TBCEL: variants seen among roughly 807,000 people sequenced by gnomAD.
TBCEL encodes the protein tubulin-specific chaperone cofactor E-like protein.
Under a neutral mutation model 44.2 loss-of-function variants are expected in TBCEL, and 15 were observed. That is an observed-to-expected ratio of 0.34 (90% confidence interval 0.23 to 0.52). The LOEUF is 0.52. Ranked by LOEUF, TBCEL falls within the 20% of genes least tolerant of loss-of-function variation. The pLI, the probability that TBCEL is intolerant of heterozygous loss-of-function variation, is 0.95. For missense variants in TBCEL, 319 were observed against 506.3 expected, an observed-to-expected ratio of 0.63 and a Z score of 3.55; for synonymous variants, 171 against 185.4, an observed-to-expected ratio of 0.92 and a Z score of 0.63.
In TBCEL at chr11:121,082,400, C is replaced by T. The variant is rs187854299; in HGVS notation, c.957-4378C>T. Reference sequence around the variant, plus strand: ...AGCAATGGTGTGTCAGGTTCTGGTGCTTTGAGTCTCTCTGACTTCCTCTTT... The same window carrying T: ...AGCAATGGTGTGTCAGGTTCTGGTGTTTTGAGTCTCTCTGACTTCCTCTTT... On this transcript the variant is annotated intron_variant, in intron 8 of 8. Transcript: ENST00000683345. 1.4e-4 allele frequency among the ~76,000 whole-genome samples: 22 copies of T among 152,294 alleles called. 1 individual carries two copies. The highest frequency in any genetic ancestry group is 3.3e-4 in the Admixed American group (5 of 15,298).
At chr11:121,026,136 A>G (rs890914391) in intron 1 of TBCEL, among the ~76,000 whole-genome samples, 1 of 152,240 alleles carries the variant, frequency 6.6e-6, no homozygotes, top group African/African-American at 2.4e-5. Flanking sequence ...TGAAAAATAC[A>G]CGATAAAATA....
intron 8 of TBCEL, among the ~76,000 whole-genome samples, chr11:121,061,447 C>T (rs572358108): frequency 6.6e-6 from 1 of 151,964 alleles, no homozygotes; most frequent in Non-Finnish European, 1.5e-5. Flanking sequence ...TCATCCATTG[C>T]TTAATGACAG....
At chr11:121,067,048 C>T (rs1165861861) in intron 8 of TBCEL, among the ~76,000 whole-genome samples, 1 of 152,152 alleles carries the variant, frequency 6.6e-6, no homozygotes, top group Non-Finnish European at 1.5e-5. Context: ...CTTTTATTTT[C>T]CTCTCGTGTC....
chr11:121,029,287 C>T (rs1945102195), intron 1 of TBCEL, among the ~76,000 whole-genome samples: 4 of 152,106 alleles, frequency 2.6e-5, no homozygotes, highest in African/African-American at 9.7e-5. Flanking sequence ...GGCATGTATT[C>T]CCACCTCTGC....
At chr11:121,071,429 A>T (rs1945930254) in intron 8 of TBCEL, among the ~76,000 whole-genome samples, 2 of 152,202 alleles carry the variant, frequency 1.3e-5, no homozygotes, top group East Asian at 3.9e-4. Flanking sequence ...AATTTTGCTT[A>T]TCATAAGGAG....
chr11:121,056,472 G>C (rs1945622854), intron 6 of TBCEL, among the ~76,000 whole-genome samples: 1 of 151,774 alleles, frequency 6.6e-6, no homozygotes, highest in African/African-American at 2.4e-5. Flanking sequence ...GTGTGGACAT[G>C]AGTTTTCAGT....
chr11:121,059,824 C>T (rs1400367935), intron 7 of TBCEL, 145 bp from the exon 8 acceptor site: 1 of 596,926 alleles, frequency 1.7e-6, no homozygotes, highest in African/African-American at 1.9e-5. Context: ...CACTTTAGTT[C>T]ATGTCAGTAG....
At chr11:121,084,440 T>G (rs928623042) in intron 8 of TBCEL, among the ~76,000 whole-genome samples, 1 of 152,220 alleles carries the variant, frequency 6.6e-6, no homozygotes, top group Non-Finnish European at 1.5e-5. Context: ...TCAGTTGTGT[T>G]TTCTTTCAAA....
At chr11:121,029,765 T>C (rs548988701) in intron 1 of TBCEL, among the ~76,000 whole-genome samples, 1 of 142,518 alleles carries the variant, frequency 7.0e-6, no homozygotes, top group Non-Finnish European at 1.5e-5. Context: ...CCGGTGATTT[T>C]CAAAATTTTT....
intron 4 of TBCEL, among the ~76,000 whole-genome samples, chr11:121,048,670 A>T (rs1373180879): frequency 1.3e-5 from 2 of 151,902 alleles, no homozygotes; most frequent in Non-Finnish European, 2.9e-5. Flanking sequence ...ACTGTCCTGC[A>T]TAAAGGCCTA....
chr11:121,038,244 G>T (rs1031823442), intron 2 of TBCEL, among the ~76,000 whole-genome samples: 1 of 152,152 alleles, frequency 6.6e-6, no homozygotes, highest in Non-Finnish European at 1.5e-5. Flanking sequence ...GATTACAGGC[G>T]TGAACCACTG....
intron 8 of TBCEL, among the ~76,000 whole-genome samples, chr11:121,063,519 A>G (rs113999598): frequency 0.01 from 1,556 of 152,214 alleles, 22 homozygotes; most frequent in African/African-American, 0.03. Context: ...CTTTAAATCT[A>G]TTGATCCAGT....
intron 1 of TBCEL, among the ~76,000 whole-genome samples, chr11:121,027,825 C>A (rs1184546110): frequency 6.6e-6 from 1 of 152,120 alleles, no homozygotes; most frequent in Non-Finnish European, 1.5e-5. Context: ...GCTCAAATAT[C>A]CATGAAAAAC....
At chr11:121,054,829 C>T (rs935651654) in intron 5 of TBCEL, 8 of 377,078 alleles carry the variant, frequency 2.1e-5, no homozygotes, top group East Asian at 4.0e-5. Flanking sequence ...AAAGTAATTT[C>T]GCACTACCTT....
chr11:121,055,743 A>T (rs1945608334), intron 6 of TBCEL, among the ~76,000 whole-genome samples: 1 of 151,828 alleles, frequency 6.6e-6, no homozygotes, highest in Non-Finnish European at 1.5e-5. Context: ...GATCCTGTGT[A>T]TCACAGGAAT....
chr11:121,034,106 GGGTAGA>G (rs1380083039), intron 1 of TBCEL, among the ~76,000 whole-genome samples: 1 of 151,928 alleles, frequency 6.6e-6, no homozygotes, highest in African/African-American at 2.4e-5. Flanking sequence ...TTTGATTCTT[GGGTAGA>G]TACCCAGAAG....
chr11:121,070,935 G>A (rs1433466932), intron 8 of TBCEL, among the ~76,000 whole-genome samples: 1 of 151,920 alleles, frequency 6.6e-6, no homozygotes, highest in African/African-American at 2.4e-5. Flanking sequence ...TGTCTTTTTA[G>A]AGAGATTATG....
intron 8 of TBCEL, among the ~76,000 whole-genome samples, chr11:121,064,393 G>T (rs539126782): frequency 6.6e-6 from 1 of 152,272 alleles, no homozygotes; most frequent in South Asian, 2.1e-4. Context: ...TTAGGGAAGT[G>T]GTGTTGCTTT....
intron 8 of TBCEL, among the ~76,000 whole-genome samples, chr11:121,062,653 A>G (rs1423912880): frequency 6.6e-6 from 1 of 152,182 alleles, no homozygotes; most frequent in Non-Finnish European, 1.5e-5. Flanking sequence ...CTTCTGTACT[A>G]GTTGGTGTTC....
Sources: gnomAD v4.1 joint callset for allele counts (sites outside exome capture counted in the v4.1 genomes callset) on GRCh38, gnomAD v4.1.1 for gene constraint, MANE v1.5 for transcripts, NCBI Gene and HGNC (gene_info 2026-07-23, HGNC 2026-07-21) for gene names.